The following RBFOX3 variants were observed in gnomAD, a reference collection of about 807,000 sequenced individuals.
RBFOX3 encodes the protein RNA binding protein fox-1 homolog 3.
In RBFOX3, 17 loss-of-function variants were observed where a neutral mutation model predicts 48.7. The ratio of observed to expected loss-of-function variants is 0.35; its 90% CI spans 0.24 to 0.52. RBFOX3 has a LOEUF of 0.52. RBFOX3 is among the 20% of genes least tolerant of loss of function. The pLI is 0.94. For synonymous variants in RBFOX3, 212 were observed against 209.5 expected (o/e 1.01, Z -0.10); for missense variants, 382 against 497.5 (o/e 0.77, Z 2.21).
At chr17:79,263,113 A>G (rs2066068093) in intron 3 of RBFOX3, among the ~76,000 whole-genome samples, 1 of 152,174 alleles carries the variant, frequency 6.6e-6, no homozygotes, top group African/African-American at 2.4e-5. Flanking sequence ...GTGCCCCTCC[A>G]GGGTCCCAGG....
intron 2 of RBFOX3, among the ~76,000 whole-genome samples, chr17:79,413,676 G>A (rs557771900): frequency 6.6e-6 from 1 of 152,346 alleles, no homozygotes; most frequent in South Asian, 2.1e-4. Flanking sequence ...GCACACCTGG[G>A]CGATGGGCAG....
chr17:79,112,581 A>C (rs58780887), intron 5 of RBFOX3, among the ~76,000 whole-genome samples: 2,463 of 152,124 alleles, frequency 0.016, 76 homozygotes, highest in African/African-American at 0.056. Context: ...TCTCCCATCG[A>C]CGCCATCAGC....
chr17:79,132,712 C>T (rs954252616), intron 4 of RBFOX3: 7 of 152,264 alleles, frequency 4.6e-5, no homozygotes, highest in South Asian at 2.1e-4. Context: ...GCTCACTGGC[C>T]CTCCCCTGGG....
At position 79,199,517 on chromosome 17, in the gene RBFOX3, T is replaced by C. The variant is rs967961473; in HGVS notation, c.-34+36249A>G. On this transcript the variant is annotated intron_variant, in intron 4 of 14. Transcript: ENST00000693108. The surrounding 1 kb of genome is among the most constrained non-coding windows in gnomAD (Gnocchi z 5.1). Reference sequence around the variant, plus strand: ...AGCCATCTGGATGGCCTGAACCCAGTCACTGACTTAGGGCTGCCAGTGACC... The same window carrying C: ...AGCCATCTGGATGGCCTGAACCCAGCCACTGACTTAGGGCTGCCAGTGACC... Among the ~76,000 whole-genome samples the C allele has an allele frequency of 2.0e-5, 3 of 152,282 alleles. No individual in the cohort carries two copies. Among genetic ancestry groups the C allele is most frequent in the East Asian group, 3.9e-4 (2 of 5,190 alleles).
At chr17:79,206,420 G>C (rs922171) in intron 4 of RBFOX3, among the ~76,000 whole-genome samples, 69,566 of 152,058 alleles carry the variant, frequency 0.46, 18,239 homozygotes, top group Non-Finnish European at 0.57. Flanking sequence ...AAGGCTGTGT[G>C]AGGAGTCTCC....
chr17:79,112,906 G>A (rs1304104466), intron 5 of RBFOX3, among the ~76,000 whole-genome samples: 1 of 110,938 alleles, frequency 9.0e-6, no homozygotes, highest in African/African-American at 3.7e-5. Context: ...CAGGCTCTCG[G>A]GGGGGGGGTG....
At chr17:79,403,936 C>G (rs569429157) in intron 2 of RBFOX3, among the ~76,000 whole-genome samples, 5 of 152,172 alleles carry the variant, frequency 3.3e-5, no homozygotes, top group Admixed American at 1.3e-4. Flanking sequence ...CCCGCCACCA[C>G]GCCTGGCTAA....
At chr17:79,386,861 G>A (rs1351966064) in intron 2 of RBFOX3, among the ~76,000 whole-genome samples, 4 of 152,340 alleles carry the variant, frequency 2.6e-5, no homozygotes, top group East Asian at 1.9e-4. Flanking sequence ...AGCCATGTCC[G>A]TGTGTGATGT....
chr17:79,525,299 C>G (rs898202820), intron 1 of RBFOX3, among the ~76,000 whole-genome samples: 1 of 152,134 alleles, frequency 6.6e-6, no homozygotes, highest in Admixed American at 6.5e-5. Context: ...GGCAAAATCA[C>G]CCCCTAGTTG....
At position 79,242,400 on chromosome 17, in the gene RBFOX3, A is replaced by AT. The variant is rs1281235726; in HGVS notation, c.-73-6596dup. Among the ~76,000 whole-genome samples the AT allele has an allele frequency of 6.6e-6, 1 of 152,178 alleles. No homozygotes were observed. Among genetic ancestry groups the AT allele is most frequent in the Non-Finnish European group, 1.5e-5 (1 of 68,036 alleles). On this transcript the variant is annotated intron_variant, in intron 3 of 14. Transcript: ENST00000693108. This position sits in a 1 kb window ranked among gnomAD's most constrained non-coding sequence, Gnocchi z 5.8. ...TTATAAATCACTATAAAATTATAAA[A>AT]TTTTTTATAAATTATAAAAAATCAA...
chr17:79,505,910 A>G (rs928300158), intron 1 of RBFOX3, among the ~76,000 whole-genome samples: 58 of 152,304 alleles, frequency 3.8e-4, no homozygotes, highest in Non-Finnish European at 5.7e-4. Context: ...CATGGCCCCT[A>G]TGTTATAGCT....
At chr17:79,460,139 C>G (rs2075182252) in intron 2 of RBFOX3, among the ~76,000 whole-genome samples, 1 of 152,144 alleles carries the variant, frequency 6.6e-6, no homozygotes, top group Admixed American at 6.5e-5. Flanking sequence ...TACAGGATCT[C>G]CTTCTGGGAT....
At chr17:79,116,735 CTGT>C (rs887458523) in intron 4 of RBFOX3, among the ~76,000 whole-genome samples, 7 of 152,238 alleles carry the variant, frequency 4.6e-5, no homozygotes, top group African/African-American at 1.7e-4. Context: ...AAAGATCTGT[CTGT>C]GCCCCCTCAA....
At chr17:79,502,708 G>A (rs2082543463) in intron 1 of RBFOX3, among the ~76,000 whole-genome samples, 1 of 152,222 alleles carries the variant, frequency 6.6e-6, no homozygotes, top group Admixed American at 6.5e-5. Context: ...TCCATTCCTT[G>A]CTGTTGCCTC....
chr17:79,507,864 G>A (rs969825831), intron 1 of RBFOX3, among the ~76,000 whole-genome samples: 2 of 152,228 alleles, frequency 1.3e-5, no homozygotes, highest in Admixed American at 6.5e-5. Context: ...TGGGGAAGCT[G>A]AGCCTTCCTG....
At chr17:79,256,389 G>A (rs920780826) in intron 3 of RBFOX3, among the ~76,000 whole-genome samples, 1 of 152,184 alleles carries the variant, frequency 6.6e-6, no homozygotes, top group East Asian at 1.9e-4. Context: ...CCGGCTCCGG[G>A]AGCTGAAGCC....
chr17:79,118,552 G>A (rs2034750472), intron 4 of RBFOX3, among the ~76,000 whole-genome samples: 2 of 152,118 alleles, frequency 1.3e-5, no homozygotes, highest in African/African-American at 4.8e-5. Flanking sequence ...AGTGTGGAAG[G>A]CACAGCGTGA....
intron 4 of RBFOX3, among the ~76,000 whole-genome samples, chr17:79,130,204 A>C (rs1448899680): frequency 6.6e-6 from 1 of 152,152 alleles, no homozygotes; most frequent in Non-Finnish European, 1.5e-5. Context: ...TTCAGGGACC[A>C]TTAGGTCTCC....
In RBFOX3 at chr17:79,097,281, C is replaced by G. The variant is rs1291849526; in HGVS notation, c.755+11G>C. The G allele has an allele frequency of 6.5e-7, 1 of 1,537,410 alleles. No individual in the cohort carries two copies. The highest frequency in any genetic ancestry group is 1.2e-5 in the South Asian group (1 of 82,920). On this transcript the variant is annotated intron_variant, in intron 11 of 14. Coordinates refer to ENST00000693108, the MANE Select transcript of RBFOX3 (RefSeq NM_001350451.2). ...CCCCTCCTCCACGCCTCCCCCGGCCCAGGTACTCACGCTCCGTAAGTCGGG... is the reference window on the plus strand; with the variant it reads ...CCCCTCCTCCACGCCTCCCCCGGCCGAGGTACTCACGCTCCGTAAGTCGGG...
Sources: gnomAD v4.1 joint callset for allele counts (sites outside exome capture counted in the v4.1 genomes callset) on GRCh38, gnomAD v4.1.1 for gene constraint, Gnocchi (gnomAD v3.1) non-coding constraint, MANE v1.5 for transcripts, NCBI Gene and HGNC (gene_info 2026-07-23, HGNC 2026-07-21) for gene names.